Variants in IPCEF1 observed in about 807,000 individuals in gnomAD.
IPCEF1 encodes the protein interactor protein for cytohesin exchange factors 1.
IPCEF1 carries 31 observed loss-of-function variants against 50.9 expected under a neutral mutation model. The observed-to-expected ratio is 0.61, with a 90% CI of 0.46 to 0.82. The LOEUF (loss-of-function observed/expected upper bound fraction) is 0.82, where lower values mean the gene tolerates loss of function less well. IPCEF1 is among the 40% of genes least tolerant of loss of function. The pLI, the probability that IPCEF1 is intolerant of heterozygous loss-of-function variation, is 0.00. For synonymous variants in IPCEF1, 181 were observed against 192.0 expected (o/e 0.94, Z 0.47); for missense variants, 458 against 514.0 (o/e 0.89, Z 1.05).
chr6:154,244,255 T>C (rs910103451), intron 5 of IPCEF1, among the ~76,000 whole-genome samples: 26 of 151,822 alleles, frequency 1.7e-4, no homozygotes, highest in Non-Finnish European at 8.8e-5. Context: ...TAGCCTTTTT[T>C]CCCTCACAGT....
intron 5 of IPCEF1, among the ~76,000 whole-genome samples, chr6:154,230,906 A>G (rs1025774459): frequency 1.3e-5 from 2 of 152,244 alleles, no homozygotes; most frequent in African/African-American, 4.8e-5. Context: ...TCTTTGTAAT[A>G]TACTTTTGTG....
chr6:154,226,771 C>T (rs1220353779), intron 5 of IPCEF1, among the ~76,000 whole-genome samples: 2 of 152,122 alleles, frequency 1.3e-5, no homozygotes, highest in Non-Finnish European at 2.9e-5. Context: ...CAGCTGCCCT[C>T]GGGTCAAGTC....
chr6:154,279,067 C>T (rs12189731), intron 2 of IPCEF1, among the ~76,000 whole-genome samples: 26,062 of 149,694 alleles, frequency 0.17, 3,008 homozygotes, highest in East Asian at 0.58. Flanking sequence ...AGAGGTTGCA[C>T]TGAGTTGAGA....
intron 3 of IPCEF1, among the ~76,000 whole-genome samples, chr6:154,265,239 A>G (rs1781724398): frequency 2.0e-5 from 3 of 152,172 alleles, no homozygotes; most frequent in Non-Finnish European, 2.9e-5. Context: ...ATATGACCAT[A>G]AAATTGTTTT....
In IPCEF1 at chr6:154,158,893, CT is replaced by C. The variant is rs1321789630; in HGVS notation, c.*934del. 1 of 152,112 alleles carries C rather than the reference CT, an allele frequency of 6.6e-6. No individual in the cohort carries two copies. Among genetic ancestry groups the C allele is most frequent in the African/African-American group, 2.4e-5 (1 of 41,422 alleles). The allele number at this position is 152,112 out of a possible 1,614,324, so 9.4% of individuals were successfully genotyped here. A position where few individuals can be genotyped will look rare whatever the true frequency, so the allele number is the denominator to read the frequency against. On this transcript the variant is annotated 3_prime_UTR_variant, in exon 12 of 12. Coordinates refer to ENST00000367220, the MANE Select transcript of IPCEF1 (RefSeq NM_001130700.2). ...TCCCTCATGTTTAACTCTTTTGTTG[CT>C]TCCATGGGTTTTTGTTTTTTTGTTT...
At chr6:154,314,941 C>T (rs1783176857) in intron 1 of IPCEF1, among the ~76,000 whole-genome samples, 1 of 149,438 alleles carries the variant, frequency 6.7e-6, no homozygotes, top group Admixed American at 6.8e-5. Context: ...AATGCAGTGA[C>T]ACAATCTCAG....
At chr6:154,184,390 A>C (rs1562528720) in intron 10 of IPCEF1, among the ~76,000 whole-genome samples, 1 of 152,136 alleles carries the variant, frequency 6.6e-6, no homozygotes, top group Non-Finnish European at 1.5e-5. Context: ...AAAATGATGC[A>C]GTTATCAAAA....
chr6:154,274,132 T>C (rs905571522), intron 2 of IPCEF1, among the ~76,000 whole-genome samples: 2 of 152,010 alleles, frequency 1.3e-5, no homozygotes, highest in Non-Finnish European at 2.9e-5. Context: ...ATATTCTCAT[T>C]CTTTCTCTTT....
intron 1 of IPCEF1, among the ~76,000 whole-genome samples, chr6:154,299,766 TA>T (rs1472783490): frequency 7.3e-6 from 1 of 137,686 alleles, no homozygotes; most frequent in African/African-American, 2.6e-5. Context: ...CGAAATAAAA[TA>T]AAAAATTAAA....
At chr6:154,264,915 C>T (rs1781715462) in intron 3 of IPCEF1, among the ~76,000 whole-genome samples, 1 of 152,150 alleles carries the variant, frequency 6.6e-6, no homozygotes, top group Non-Finnish European at 1.5e-5. Context: ...CCTTGACATC[C>T]ATTTTCTAAT....
intron 10 of IPCEF1, among the ~76,000 whole-genome samples, chr6:154,195,233 C>T (rs375875289): frequency 2.0e-5 from 3 of 150,742 alleles, no homozygotes; most frequent in African/African-American, 4.9e-5. Context: ...CTGCAATCTC[C>T]GCCTCCAGGG....
intron 5 of IPCEF1, among the ~76,000 whole-genome samples, chr6:154,227,828 A>T (rs1158438132): frequency 6.6e-6 from 1 of 152,210 alleles, no homozygotes; most frequent in African/African-American, 2.4e-5. Context: ...ATTCCCTTAA[A>T]CAGGAGCCTA....
In IPCEF1 at chr6:154,167,938, T is replaced by C. The variant is rs1173340147; in HGVS notation, c.1086A>G (p.Thr362=). Residue 362 remains threonine (T), a synonymous_variant, in exon 11 of 12, where the codon ACA becomes ACG. Coordinates refer to ENST00000367220, the MANE Select transcript of IPCEF1 (RefSeq NM_001130700.2). ...TTGTTACCTTTAATGTGCTATTCAA[T>C]GTTCGGATTTTGTGGAGTTTCTCGT... ...SINEKLHKIR[T]LNSTLKCKEH... is the part of the protein sequence containing the mutation. 1 of 1,595,718 alleles carries C rather than the reference T, an allele frequency of 6.3e-7. No homozygotes were observed. Among genetic ancestry groups the C allele is most frequent in the Non-Finnish European group, 8.6e-7 (1 of 1,164,964 alleles).
chr6:154,248,549 G>A (rs1298571137), intron 3 of IPCEF1, among the ~76,000 whole-genome samples: 1 of 152,038 alleles, frequency 6.6e-6, no homozygotes, highest in African/African-American at 2.4e-5. Flanking sequence ...GAGGTTCCTG[G>A]CTTATAGTCT....
At chr6:154,305,498 C>T (rs1307026360) in intron 1 of IPCEF1, among the ~76,000 whole-genome samples, 1 of 152,216 alleles carries the variant, frequency 6.6e-6, no homozygotes, top group Non-Finnish European at 1.5e-5. Context: ...ACAAAAATCA[C>T]ATCTCACTGG....
At chr6:154,268,661 A>G (rs571454559) in intron 2 of IPCEF1, among the ~76,000 whole-genome samples, 1 of 152,082 alleles carries the variant, frequency 6.6e-6, no homozygotes, top group South Asian at 2.1e-4. Context: ...AAAACTTCCT[A>G]CAAGTGAGGC....
At chr6:154,231,155 A>G (rs1229545004) in intron 5 of IPCEF1, among the ~76,000 whole-genome samples, 2 of 152,230 alleles carry the variant, frequency 1.3e-5, no homozygotes, top group Admixed American at 1.3e-4. Context: ...AGATTCTCAC[A>G]CTACACACAG....
chr6:154,308,217 C>T (rs1016148369), intron 1 of IPCEF1, among the ~76,000 whole-genome samples: 6 of 152,326 alleles, frequency 3.9e-5, no homozygotes, highest in African/African-American at 1.4e-4. Context: ...CAGGCTCAAG[C>T]GATCCTCAAA....
At chr6:154,263,940 T>C (rs1781678148) in intron 3 of IPCEF1, among the ~76,000 whole-genome samples, 1 of 131,016 alleles carries the variant, frequency 7.6e-6, no homozygotes, top group Non-Finnish European at 1.6e-5. Flanking sequence ...CACTTCCCAG[T>C]AGGGGCGGCC....
Sources: allele counts gnomAD v4.1 joint callset (sites outside exome capture counted in the v4.1 genomes callset), GRCh38; gene constraint gnomAD v4.1.1; transcripts MANE v1.5; gene names NCBI Gene and HGNC (gene_info 2026-07-23, HGNC 2026-07-21).